Variants in HSD3B1 observed in about 807,000 individuals in gnomAD.
The protein encoded by HSD3B1 is 3 beta-hydroxysteroid dehydrogenase/Delta 5-->4-isomerase type 1.
In HSD3B1, 11 loss-of-function variants were observed where a neutral mutation model predicts 10.4. That is an observed-to-expected ratio of 1.05 (90% CI 0.66 to 1.75). The LOEUF (loss-of-function observed/expected upper bound fraction) is 1.75, where lower values mean the gene tolerates loss of function less well. HSD3B1 is among the 40% of genes most tolerant of loss of function. HSD3B1 has a pLI of 0.00. For synonymous variants in HSD3B1, 217 were observed against 185.4 expected (o/e 1.17, Z -1.39); for missense variants, 490 against 454.5 (o/e 1.08, Z -0.71).
intron 2 of HSD3B1, 151 bp from the exon 3 acceptor site, chr1:119,511,352 T>G (rs1178096019): frequency 2.8e-6 from 2 of 706,142 alleles, no homozygotes; most frequent in Non-Finnish European, 4.8e-6. Context: ...TTTCTGTGCC[T>G]TTTTTACTTG....
At chr1:119,513,326 T>TTCATATATA (rs1220832987) in intron 3 of HSD3B1, among the ~76,000 whole-genome samples, 2 of 152,116 alleles carry the variant, frequency 1.3e-5, no homozygotes, top group Non-Finnish European at 2.9e-5. Flanking sequence ...TACCAACAAT[T>TTCATATATA]TCATATATAT....
intron 2 of HSD3B1, 67 bp from the exon 3 acceptor site, chr1:119,511,436 C>T (rs1275437533): frequency 3.9e-6 from 6 of 1,524,480 alleles, no homozygotes; most frequent in African/African-American, 2.7e-5. Context: ...TGTAACATCA[C>T]CTTTATCAGA....
chr1:119,507,530 G>A lies in HSD3B1; in HGVS notation c.54G>A (p.Arg18=), dbSNP rs746936936. The change falls in exon 2 of 4, where the codon AGG becomes AGA. Residue 18 remains arginine, a synonymous_variant. Coordinates refer to ENST00000369413, the MANE Select transcript of HSD3B1 (RefSeq NM_000862.3). Reference sequence around the variant, plus strand: ...GAGCAGGAGGGTTTCTGGGACAGAGGATCATCCGCCTCTTGGTGAAGGAGA... The same window carrying A: ...GAGCAGGAGGGTTTCTGGGACAGAGAATCATCCGCCTCTTGGTGAAGGAGA... The part of the protein sequence containing the change: ...VTGAGGFLGQ[R]IIRLLVKEKE... The A allele has an allele frequency of 5.0e-6, 8 of 1,613,840 alleles. No homozygotes were observed. In the African/African-American group the frequency reaches 8.0e-5, roughly 16 times the overall value.
At chr1:119,508,760 C>T (rs753282631) in intron 2 of HSD3B1, among the ~76,000 whole-genome samples, 2 of 152,214 alleles carry the variant, frequency 1.3e-5, no homozygotes, top group South Asian at 4.1e-4. Flanking sequence ...GAGGGTCCTG[C>T]CCTGCCCACA....
chr1:119,510,948 GT>G, intron 2 of HSD3B1, among the ~76,000 whole-genome samples: 1 of 151,776 alleles, frequency 6.6e-6, no homozygotes, highest in Non-Finnish European at 1.5e-5. Context: ...ATTTCCCCAT[GT>G]TGTCCAAGCT....
chr1:119,510,297 A>G (rs1227490835), intron 2 of HSD3B1, among the ~76,000 whole-genome samples: 6 of 152,210 alleles, frequency 3.9e-5, no homozygotes. Flanking sequence ...ACTCATTTTC[A>G]GCATTGCTAC....
At chr1:119,512,722 T>C (rs1653971988) in intron 3 of HSD3B1, among the ~76,000 whole-genome samples, 1 of 152,284 alleles carries the variant, frequency 6.6e-6, no homozygotes, top group East Asian at 1.9e-4. Flanking sequence ...ACAGGGGAAG[T>C]GTTAGAGGCA....
chr1:119,512,301 A>G (rs1479285994), intron 3 of HSD3B1, among the ~76,000 whole-genome samples: 2 of 152,206 alleles, frequency 1.3e-5, no homozygotes, highest in Non-Finnish European at 2.9e-5. Flanking sequence ...AGGGCCTACT[A>G]TTCCAGAGCC....
intron 2 of HSD3B1, among the ~76,000 whole-genome samples, chr1:119,510,561 A>G (rs903449434): frequency 6.6e-5 from 10 of 151,820 alleles, no homozygotes; most frequent in Non-Finnish European, 1.5e-4. Flanking sequence ...TCCAGTCCTC[A>G]TCGAAACTTT....
In HSD3B1 at chr1:119,507,677, G is replaced by T. The variant is rs6671149; in HGVS notation, c.145+56G>T. ...TCCATCTTAAACACTGCATGTATGT[G>T]GGGGGAGATGGACCTTGTCTAGCAA... On this transcript the variant is annotated intron_variant, in intron 2 of 3. Coordinates refer to ENST00000369413, the MANE Select transcript of HSD3B1 (RefSeq NM_000862.3). 21,269 of 1,550,366 alleles carry T rather than the reference G, an allele frequency of 0.014. 1,017 individuals are homozygous for T. In the African/African-American group the frequency reaches 0.14, roughly 10 times the overall value.
At chr1:119,511,745 C>A in intron 3 of HSD3B1, 78 bp downstream of exon 3, 2 of 1,394,744 alleles carry the variant, frequency 1.4e-6, no homozygotes, top group Middle Eastern at 1.8e-4. Context: ...GAAGAGAAGT[C>A]CCTCCACTGA....
chr1:119,508,991 C>A (rs2101456046), intron 2 of HSD3B1, among the ~76,000 whole-genome samples: 1 of 152,268 alleles, frequency 6.6e-6, no homozygotes, highest in East Asian at 1.9e-4. Context: ...GGTATTGTTC[C>A]CCTATGGTAA....
rs779876923 is a variant in HSD3B1 at position 119,514,139 on chromosome 1, C to A, written c.616C>A (p.Leu206Met). The A allele has an allele frequency of 2.5e-6, 4 of 1,613,986 alleles. No individual in the cohort carries two copies. The South Asian group carries it at 4.4e-5, about 18-fold the overall frequency. The change falls in exon 4 of 4, where the codon CTG (leucine) becomes ATG (methionine). Residue 206 changes from leucine (L) to methionine (M), a missense_variant. Coordinates refer to ENST00000369413, the MANE Select transcript of HSD3B1 (RefSeq NM_000862.3). ...RFLSASINEA[L>M]NNNGILSSVG... Reference sequence around the variant, plus strand: ...CCTTTCTGCTAGTATAAACGAGGCCCTGAACAACAATGGGATCCTGTCAAG... The same window carrying A: ...CCTTTCTGCTAGTATAAACGAGGCCATGAACAACAATGGGATCCTGTCAAG...
rs769962399 is a variant in HSD3B1 at position 119,514,254 on chromosome 1, A to G, written c.731A>G (p.Lys244Arg). The change falls in exon 4 of 4, where the codon AAG (lysine) becomes AGG (arginine). Residue 244 changes from lysine (K) to arginine (R), a missense_variant. Transcript: ENST00000369413. ...ILALRALQDP[K>R]KAPSIRGQFY... is the part of the protein sequence containing the mutation. ...GCCTTGAGGGCCCTGCAGGACCCCA[A>G]GAAGGCCCCAAGCATCCGAGGACAG... The G allele has an allele frequency of 3.8e-5, 62 of 1,614,036 alleles. 3 individuals are homozygous for G. The South Asian group carries it at 5.3e-4, about 14-fold the overall frequency.
intron 3 of HSD3B1, 80 bp from the exon 4 acceptor site, chr1:119,513,750 GGGGT>G: frequency 7.9e-7 from 1 of 1,273,008 alleles, no homozygotes; most frequent in Non-Finnish European, 1.1e-6. Flanking sequence ...TTGGGAGTGG[GGGGT>G]GGGGCACATA....
chr1:119,512,147 A>G (rs982806982), intron 3 of HSD3B1, among the ~76,000 whole-genome samples: 1 of 152,162 alleles, frequency 6.6e-6, no homozygotes, highest in African/African-American at 2.4e-5. Flanking sequence ...GCCCACCTCA[A>G]ACAAAAAGTC....
intron 2 of HSD3B1, 105 bp downstream of exon 2, chr1:119,507,726 C>T: frequency 8.7e-7 from 1 of 1,146,514 alleles, no homozygotes; most frequent in Non-Finnish European, 1.3e-6. Flanking sequence ...GTAGCCAAAT[C>T]TAAGCCAATC....
At chr1:119,510,717 C>CTTTTCTTT (rs1653909743) in intron 2 of HSD3B1, among the ~76,000 whole-genome samples, 1 of 54,134 alleles carries the variant, frequency 1.8e-5, no homozygotes, top group African/African-American at 7.0e-5. Context: ...GTGTGGTTTT[C>CTTTTCTTT]TTTTTTTTTT....
intron 3 of HSD3B1, 89 bp downstream of exon 3, chr1:119,511,756 A>C (rs1653946280): frequency 7.8e-7 from 1 of 1,288,716 alleles, no homozygotes; most frequent in East Asian, 2.3e-5. Context: ...CCTCCACTGA[A>C]CACCTGCTGT....
Sources: gnomAD v4.1 joint callset for allele counts (sites outside exome capture counted in the v4.1 genomes callset) on GRCh38, gnomAD v4.1.1 for gene constraint, MANE v1.5 for transcripts, NCBI Gene and HGNC (gene_info 2026-07-23, HGNC 2026-07-21) for gene names.